Variants in SATB2 observed in about 807,000 individuals in gnomAD.
SATB2 encodes the protein SATB homeobox 2.
A neutral mutation model predicts 73.4 loss-of-function variants in SATB2; 1 was observed. The ratio of observed to expected loss-of-function variants is 0.01; its 90% CI spans 0.00 to 0.06. The LOEUF (loss-of-function observed/expected upper bound fraction) is 0.06. SATB2 is among the 10% of genes least tolerant of loss of function. The pLI, the probability that SATB2 is intolerant of heterozygous loss-of-function variation, is 1.00. For missense variants in SATB2, 459 were observed against 945.8 expected (o/e 0.49, Z 6.75); for synonymous variants, 397 against 367.0 (o/e 1.08, Z -0.93).
At chr2:199,326,268 G>T (rs1284580927) in intron 8 of SATB2, among the ~76,000 whole-genome samples, 1 of 152,110 alleles carries the variant, frequency 6.6e-6, no homozygotes, top group Non-Finnish European at 1.5e-5. Context: ...GACAATTCTA[G>T]AGAATGTACA....
upstream of SATB2, among the ~76,000 whole-genome samples, chr2:199,466,909 G>C (rs1043830535): frequency 2.6e-5 from 4 of 152,244 alleles, no homozygotes; most frequent in African/African-American, 9.7e-5. Flanking sequence ...AACAAGAAGT[G>C]ATTTGTCTGT....
chr2:199,402,386 A>T (rs1038253160), intron 3 of SATB2, among the ~76,000 whole-genome samples: 1 of 151,698 alleles, frequency 6.6e-6, no homozygotes, highest in African/African-American at 2.4e-5. Context: ...CTCCATCTCA[A>T]AAAAAAAGAT....
intron 6 of SATB2, among the ~76,000 whole-genome samples, chr2:199,351,346 A>G (rs1266786833): frequency 6.6e-6 from 1 of 152,150 alleles, no homozygotes; most frequent in South Asian, 2.1e-4. Flanking sequence ...TATTTTCAGT[A>G]GAGACGGGGT....
upstream of SATB2, among the ~76,000 whole-genome samples, chr2:199,459,220 GCCCTGAGGACCCGGCCTCCC>G (rs1272309053): frequency 6.6e-6 from 1 of 151,990 alleles, no homozygotes; most frequent in Non-Finnish European, 1.5e-5. The surrounding 1 kb of genome is among the most constrained non-coding windows in gnomAD (Gnocchi z 4.2). Flanking sequence ...ACAGAGCTGT[GCCCTGAGGACCCGGCCTCCC>G]CGCCCGGGGG....
chr2:199,465,481 A>T (rs931633948), upstream of SATB2, among the ~76,000 whole-genome samples: 2 of 152,220 alleles, frequency 1.3e-5, no homozygotes, highest in African/African-American at 4.8e-5. Flanking sequence ...AGACTTCTAT[A>T]TGATAAAACG....
chr2:199,398,771 G>A (rs1690379470), intron 3 of SATB2, among the ~76,000 whole-genome samples: 1 of 152,146 alleles, frequency 6.6e-6, no homozygotes, highest in Non-Finnish European at 1.5e-5. Context: ...GAGCTAAAAT[G>A]ACTGATTTCT....
At chr2:199,277,505 A>G (rs2105716208) in intron 10 of SATB2, among the ~76,000 whole-genome samples, 1 of 152,350 alleles carries the variant, frequency 6.6e-6, no homozygotes, top group South Asian at 2.1e-4. Context: ...GAAGCCTATC[A>G]ACTCATCCTA....
At chr2:199,370,456 A>G (rs1313329941) in intron 5 of SATB2, among the ~76,000 whole-genome samples, 3 of 152,180 alleles carry the variant, frequency 2.0e-5, no homozygotes, top group Non-Finnish European at 2.9e-5. Context: ...CGTACTTGTC[A>G]TCTCTCTATC....
chr2:199,379,502 G>T (rs2105864437), intron 5 of SATB2, among the ~76,000 whole-genome samples: 1 of 152,084 alleles, frequency 6.6e-6, no homozygotes, highest in South Asian at 2.1e-4. Flanking sequence ...GAAACAGGGG[G>T]GTGGGGAGTA....
intron 6 of SATB2, among the ~76,000 whole-genome samples, chr2:199,355,350 A>C (rs62178575): frequency 2.4e-4 from 3 of 12,726 alleles, no homozygotes; most frequent in African/African-American, 3.1e-4. Context: ...GTGTGTATCT[A>C]TATATATATA....
intron 5 of SATB2, among the ~76,000 whole-genome samples, chr2:199,375,739 A>G (rs1188053888): frequency 6.6e-6 from 1 of 152,180 alleles, no homozygotes; most frequent in Non-Finnish European, 1.5e-5. Flanking sequence ...AAACCCAACA[A>G]GCCACCTTTC....
intron 9 of SATB2, among the ~76,000 whole-genome samples, chr2:199,312,197 G>T (rs1470431511): frequency 6.6e-6 from 1 of 152,114 alleles, no homozygotes; most frequent in East Asian, 1.9e-4. Context: ...GTAGGTTTTT[G>T]TTGTTTTCTC....
intron 7 of SATB2, among the ~76,000 whole-genome samples, chr2:199,337,475 G>C (rs1688368567): frequency 6.6e-6 from 1 of 152,108 alleles, no homozygotes; most frequent in Non-Finnish European, 1.5e-5. Context: ...AAGTACCAAA[G>C]TGTTTAATAC....
chr2:199,306,795 G>C (rs1196508095), intron 10 of SATB2, among the ~76,000 whole-genome samples: 1 of 152,024 alleles, frequency 6.6e-6, no homozygotes, highest in Admixed American at 6.6e-5. Flanking sequence ...AAACAGACAG[G>C]CATGGTATAA....
At chr2:199,443,247 T>TAA (rs1009020130) in intron 2 of SATB2, among the ~76,000 whole-genome samples, 1 of 149,356 alleles carries the variant, frequency 6.7e-6, no homozygotes. Context: ...TTCAAACAAT[T>TAA]AAAAAAAAAC....
intron 6 of SATB2, among the ~76,000 whole-genome samples, chr2:199,351,040 A>AG (rs2105826273): frequency 6.6e-6 from 1 of 151,726 alleles, no homozygotes; most frequent in East Asian, 1.9e-4. Flanking sequence ...AAAAAAAAAA[A>AG]AAAAAAAAGA....
intron 9 of SATB2, among the ~76,000 whole-genome samples, chr2:199,318,528 A>G (rs1455344369): frequency 6.6e-6 from 1 of 152,096 alleles, no homozygotes; most frequent in Non-Finnish European, 1.5e-5. Flanking sequence ...GGACATAAAC[A>G]TACACATATA....
At chr2:199,450,181 C>T (rs1309790406) in intron 2 of SATB2, among the ~76,000 whole-genome samples, 4 of 152,042 alleles carry the variant, frequency 2.6e-5, no homozygotes, top group Non-Finnish European at 5.9e-5. Flanking sequence ...TATGCATTCT[C>T]ACACAACTCA....
chr2:199,271,971 T>A lies in SATB2; in HGVS notation c.*240A>T. ...GACGGGATAAAGTGTAACGCTTTAG[T>A]GTCTTTGCCAAGGCGATGTCTGATT... On this transcript the variant is annotated 3_prime_UTR_variant, in exon 11 of 11. Coordinates refer to ENST00000417098, the MANE Select transcript of SATB2 (RefSeq NM_001172509.2). The A allele has an allele frequency of 1.8e-6, 1 of 564,296 alleles. No homozygotes were observed. Among genetic ancestry groups the A allele is most frequent in the Non-Finnish European group, 3.2e-6 (1 of 317,072 alleles). The allele number at this position is 564,296 out of a possible 1,614,324, so 35.0% of individuals were successfully genotyped here. A position where few individuals can be genotyped will look rare whatever the true frequency, so the allele number is the denominator to read the frequency against.
Sources: allele counts gnomAD v4.1 joint callset (sites outside exome capture counted in the v4.1 genomes callset), GRCh38; gene constraint gnomAD v4.1.1; non-coding constraint Gnocchi (gnomAD v3.1); transcripts MANE v1.5; gene names NCBI Gene and HGNC (gene_info 2026-07-23, HGNC 2026-07-21).